ZNF804B: variants seen among roughly 807,000 people sequenced by gnomAD.
The protein encoded by ZNF804B is zinc finger 804B.
A neutral mutation model predicts 101.4 loss-of-function variants in ZNF804B; 80 were observed. That is an observed-to-expected ratio of 0.79 (90% CI 0.66 to 0.95). The LOEUF (loss-of-function observed/expected upper bound fraction) is 0.95. ZNF804B is among the 40% of genes least tolerant of loss of function. The pLI is 0.00. For synonymous variants in ZNF804B, 622 were observed against 558.8 expected (o/e 1.11, Z -1.59); for missense variants, 1,673 against 1,561.9 (o/e 1.07, Z -1.20).
chr7:89,198,814 A>G (rs182322669), intron 1 of ZNF804B, among the ~76,000 whole-genome samples: 1 of 148,588 alleles, frequency 6.7e-6, no homozygotes, highest in African/African-American at 2.4e-5. Context: ...GAAATCCAAA[A>G]GACACAGTAG....
At chr7:89,229,388 C>G (rs1249658558) in intron 2 of ZNF804B, among the ~76,000 whole-genome samples, 3 of 152,116 alleles carry the variant, frequency 2.0e-5, no homozygotes, top group African/African-American at 4.8e-5. Context: ...AAACATGCAC[C>G]GTGAATACTA....
intron 2 of ZNF804B, among the ~76,000 whole-genome samples, chr7:89,246,755 C>A (rs2115776387): frequency 6.6e-6 from 1 of 152,294 alleles, no homozygotes; most frequent in African/African-American, 2.4e-5. Flanking sequence ...AACTGTCCCA[C>A]CCTTTATGGG....
intron 2 of ZNF804B, among the ~76,000 whole-genome samples, chr7:89,321,493 A>G (rs928141206): frequency 5.3e-5 from 8 of 152,090 alleles, no homozygotes; most frequent in Middle Eastern, 3.2e-3. Context: ...AATAATAATA[A>G]TAATAATTTT....
chr7:88,940,930 G>A (rs1793046308), intron 1 of ZNF804B, among the ~76,000 whole-genome samples: 1 of 151,296 alleles, frequency 6.6e-6, no homozygotes, highest in Non-Finnish European at 1.5e-5. Flanking sequence ...TCAACAATAA[G>A]AAAATAACCT....
At chr7:88,774,780 G>T (rs977762520) in intron 1 of ZNF804B, among the ~76,000 whole-genome samples, 9 of 152,116 alleles carry the variant, frequency 5.9e-5, no homozygotes, top group Admixed American at 1.3e-4. Flanking sequence ...AGGTTTAGGG[G>T]CCTCTAAATT....
At chr7:88,939,936 A>G (rs562174145) in intron 1 of ZNF804B, among the ~76,000 whole-genome samples, 1 of 152,124 alleles carries the variant, frequency 6.6e-6, no homozygotes, top group African/African-American at 2.4e-5. Flanking sequence ...TGATAAGTCT[A>G]CAGTCAGAGG....
chr7:89,324,061 C>A (rs1306907359), intron 2 of ZNF804B, among the ~76,000 whole-genome samples: 1 of 151,378 alleles, frequency 6.6e-6, no homozygotes, highest in Non-Finnish European at 1.5e-5. Context: ...TGATAGTCCT[C>A]TTTTCATCAT....
At chr7:88,794,782 G>C in intron 1 of ZNF804B, 1 of 1,613,622 alleles carries the variant, frequency 6.2e-7, no homozygotes, top group Non-Finnish European at 8.5e-7. Context: ...TTGTATCTTG[G>C]CCACTAGAAA....
At chr7:89,271,285 G>A (rs967438208) in intron 2 of ZNF804B, among the ~76,000 whole-genome samples, 1 of 152,152 alleles carries the variant, frequency 6.6e-6, no homozygotes, top group African/African-American at 2.4e-5. Flanking sequence ...AAGGGCTGTT[G>A]AATTTTGTCA....
intron 2 of ZNF804B, among the ~76,000 whole-genome samples, chr7:89,281,455 A>G (rs1293448767): frequency 2.6e-5 from 4 of 152,204 alleles, no homozygotes; most frequent in Non-Finnish European, 5.9e-5. Flanking sequence ...CAACCAGAAT[A>G]ATTTAGGATG....
chr7:89,041,964 T>C (rs1789023045), intron 1 of ZNF804B, among the ~76,000 whole-genome samples: 1 of 152,208 alleles, frequency 6.6e-6, no homozygotes, highest in Non-Finnish European at 1.5e-5. Context: ...TATCATCATA[T>C]ATGACTTAAA....
chr7:88,975,625 A>T (rs1162255143), intron 1 of ZNF804B, among the ~76,000 whole-genome samples: 1 of 151,000 alleles, frequency 6.6e-6, no homozygotes, highest in East Asian at 2.0e-4. Context: ...AGATTATGAA[A>T]TTTTTTCTCA....
intron 1 of ZNF804B, among the ~76,000 whole-genome samples, chr7:88,890,212 A>G (rs973571538): frequency 8.5e-5 from 13 of 152,308 alleles, no homozygotes; most frequent in East Asian, 7.7e-4. Flanking sequence ...AATAATGACT[A>G]TATTTCTCTG....
At chr7:89,264,797 A>G (rs769838860) in intron 2 of ZNF804B, among the ~76,000 whole-genome samples, 5 of 151,680 alleles carry the variant, frequency 3.3e-5, no homozygotes, top group Non-Finnish European at 7.4e-5. Flanking sequence ...TGAACATCCA[A>G]CTCTCACTGG....
At position 89,335,561 on chromosome 7, in the gene ZNF804B, A is replaced by G. The variant is rs1307618432; in HGVS notation, c.2579A>G (p.Glu860Gly). 6.2e-7 allele frequency: 1 copy of G among 1,613,936 alleles called. No individual in the cohort carries two copies. Among genetic ancestry groups the G allele is most frequent in the Admixed American group, 1.7e-5 (1 of 59,946 alleles). ...QHDRLDSYSI[E>G]KMYYLNKSKR... ...GACAGATTGGACTCTTACTCAATAGAGAAAATGTATTACTTGAATAAAAGC... is the reference window on the plus strand; with the variant it reads ...GACAGATTGGACTCTTACTCAATAGGGAAAATGTATTACTTGAATAAAAGC... The change falls in exon 4 of 4, where the codon GAG becomes GGG. Residue 860 changes from glutamate (E) to glycine (G), a missense_variant. Transcript: ENST00000333190.
At chr7:88,881,327 A>G (rs1423653359) in intron 1 of ZNF804B, among the ~76,000 whole-genome samples, 1 of 152,152 alleles carries the variant, frequency 6.6e-6, no homozygotes, top group Non-Finnish European at 1.5e-5. Context: ...CTATGAGATT[A>G]TATTGCTGAG....
At chr7:88,821,751 T>G (rs1790984722) in intron 1 of ZNF804B, among the ~76,000 whole-genome samples, 1 of 152,210 alleles carries the variant, frequency 6.6e-6, no homozygotes, top group African/African-American at 2.4e-5. Flanking sequence ...AAGTATCTGT[T>G]TTGGCTAGTT....
rs146290273 is a variant in ZNF804B at position 88,765,086 on chromosome 7, GTTTA to G, written c.108+5006_108+5009del. Among the ~76,000 whole-genome samples, 177 of 152,162 alleles carry G rather than the reference GTTTA, an allele frequency of 1.2e-3. 2 individuals carry two copies. The highest frequency in any genetic ancestry group is 4.2e-3 in the African/African-American group (174 of 41,556). On this transcript the variant is annotated intron_variant, in intron 1 of 3. Coordinates refer to ENST00000333190, the MANE Select transcript of ZNF804B (RefSeq NM_181646.5). ...CCTTCCAGAACCTAAACAAATTTGT[GTTTA>G]TTTGACTTCAGAAAGTTTCCATATT...
At chr7:89,083,609 T>C (rs1789729598) in intron 1 of ZNF804B, among the ~76,000 whole-genome samples, 1 of 151,862 alleles carries the variant, frequency 6.6e-6, no homozygotes, top group Non-Finnish European at 1.5e-5. Context: ...ACTCAAGCAA[T>C]ATTCCAAGTG....
Sources: allele counts gnomAD v4.1 joint callset (sites outside exome capture counted in the v4.1 genomes callset), GRCh38; gene constraint gnomAD v4.1.1; transcripts MANE v1.5; gene names NCBI Gene and HGNC (gene_info 2026-07-23, HGNC 2026-07-21).